Variants in DOCK5 observed in about 807,000 individuals in gnomAD.
DOCK5 encodes dedicator of cytokinesis 5.
DOCK5 carries 142 observed loss-of-function variants against 251.8 expected under a neutral mutation model. The observed-to-expected ratio is 0.56, with a 90% CI of 0.49 to 0.65. DOCK5 has a LOEUF of 0.65. Among genes scored for constraint, DOCK5 ranks in the 30% least tolerant of loss-of-function variants. DOCK5 has a pLI of 0.00. For missense variants in DOCK5, 2,111 were observed against 2,312.3 expected, an observed-to-expected ratio of 0.91 and a Z score of 1.79; for synonymous variants, 842 against 835.5, an observed-to-expected ratio of 1.01 and a Z score of -0.13.
At chr8:25,373,689 G>A (rs1405876973) in intron 36 of DOCK5, 31 bp downstream of exon 36, 2 of 1,566,134 alleles carry the variant, frequency 1.3e-6, no homozygotes, top group East Asian at 2.3e-5. Context: ...TGCTTCTGCT[G>A]TTTATTTCAT....
chr8:25,409,406 A>C (rs1230515114), intron 50 of DOCK5: 6 of 173,670 alleles, frequency 3.5e-5, no homozygotes, highest in Non-Finnish European at 5.0e-5. Context: ...ATGGGAGACA[A>C]TTGTCAACCA....
chr8:25,193,429 C>G (rs566232301), intron 1 of DOCK5, among the ~76,000 whole-genome samples: 47 of 150,038 alleles, frequency 3.1e-4, no homozygotes, highest in African/African-American at 1.1e-3. Flanking sequence ...TAGCACTATG[C>G]TTGGGACCAT....
In DOCK5 at chr8:25,411,441, C is replaced by A; in HGVS notation, c.*143C>A. 8.6e-7 allele frequency: 1 copy of A among 1,159,492 alleles called. No homozygotes were observed. Among genetic ancestry groups the A allele is most frequent in the Non-Finnish European group, 1.1e-6 (1 of 902,064 alleles). The allele number at this position is 1,159,492 out of a possible 1,614,324, so 71.8% of individuals were successfully genotyped here. On this transcript the variant is annotated 3_prime_UTR_variant, in exon 52 of 52. Coordinates refer to ENST00000276440, the MANE Select transcript of DOCK5 (RefSeq NM_024940.8). ...TGATGTTTACCAGCCCAAAACCAGTCATGTTCTTCCAAAAGCTTCTCTTTG... is the reference window on the plus strand; with the variant it reads ...TGATGTTTACCAGCCCAAAACCAGTAATGTTCTTCCAAAAGCTTCTCTTTG...
In DOCK5 at chr8:25,304,934, C is replaced by T. The variant is rs148871927; in HGVS notation, c.1049+607C>T. The stretch of plus-strand genomic sequence containing the variant: ...GTGAAAGGATCCTTGCAGAGCTTTA[C>T]TGAGGCCCTCCATATTGAGCTGCAG... On this transcript the variant is annotated intron_variant, in intron 11 of 51. Transcript: ENST00000276440. 894 of 152,732 alleles carry T rather than the reference C, an allele frequency of 5.9e-3. 3 individuals carry two copies. Among genetic ancestry groups the T allele is most frequent in the Non-Finnish European group, 9.4e-3 (642 of 68,350 alleles). 9.5% of individuals were successfully genotyped at this position (152,732 alleles called of 1,614,324 possible).
At chr8:25,343,393 G>A (rs1800290347) in intron 25 of DOCK5, among the ~76,000 whole-genome samples, 1 of 152,164 alleles carries the variant, frequency 6.6e-6, no homozygotes, top group South Asian at 2.1e-4. Context: ...CCAGTTGTAT[G>A]TAAGGACCTC....
intron 3 of DOCK5, chr8:25,270,791 C>A (rs1298947770): frequency 1.4e-6 from 1 of 713,150 alleles, no homozygotes; most frequent in Non-Finnish European, 2.6e-6. Flanking sequence ...TTTCCACAGG[C>A]AATTGGTTCC....
At chr8:25,262,895 C>T (rs1464524930) in intron 2 of DOCK5, among the ~76,000 whole-genome samples, 1 of 149,484 alleles carries the variant, frequency 6.7e-6, no homozygotes, top group African/African-American at 2.6e-5. Context: ...TCTCAGCTCA[C>T]TGCAACCCCC....
At chr8:25,266,100 C>T (rs1327817558) in intron 2 of DOCK5, among the ~76,000 whole-genome samples, 2 of 151,858 alleles carry the variant, frequency 1.3e-5, no homozygotes, top group African/African-American at 4.9e-5. Flanking sequence ...TATCCCCTCA[C>T]GATTCCCTTT....
At chr8:25,325,614 G>A (rs1335661141) in intron 18 of DOCK5, 67 bp downstream of exon 18, 3 of 1,571,204 alleles carry the variant, frequency 1.9e-6, no homozygotes, top group Non-Finnish European at 2.6e-6. Flanking sequence ...CCTTGGTTAG[G>A]CTCACAGGGC....
At chr8:25,336,553 A>T (rs936174528) in intron 22 of DOCK5, among the ~76,000 whole-genome samples, 180 bp downstream of exon 22, 12 of 152,164 alleles carry the variant, frequency 7.9e-5, no homozygotes, top group African/African-American at 2.9e-4. Context: ...GACTCATGAG[A>T]AGTTTTTGTA....
chr8:25,275,560 C>T (rs546242415), intron 4 of DOCK5, 119 bp downstream of exon 4: 25 of 1,006,848 alleles, frequency 2.5e-5, no homozygotes, highest in South Asian at 6.4e-5. Flanking sequence ...TCAGGCCAGG[C>T]GTGGTGGCTC....
intron 13 of DOCK5, among the ~76,000 whole-genome samples, chr8:25,313,635 A>G (rs577153289): frequency 6.6e-6 from 1 of 152,318 alleles, no homozygotes; most frequent in African/African-American, 2.4e-5. Context: ...TTTTCTCACA[A>G]CAAAGGACAG....
At chr8:25,387,206 A>AGACGC (rs200331019) in intron 40 of DOCK5, among the ~76,000 whole-genome samples, 1 of 98,506 alleles carries the variant, frequency 1.0e-5, no homozygotes, top group African/African-American at 3.4e-5. Context: ...TTTTTTTAAG[A>AGACGC]GGTCTCGCTC....
chr8:25,350,068 G>C (rs1440341630), intron 26 of DOCK5, among the ~76,000 whole-genome samples: 1 of 152,178 alleles, frequency 6.6e-6, no homozygotes, highest in African/African-American at 2.4e-5. Flanking sequence ...GAAAGTGTCG[G>C]TTATAGGATG....
In DOCK5 at chr8:25,351,765, A is replaced by G. The variant is rs747504935; in HGVS notation, c.2789A>G (p.Glu930Gly). ...ATAVHIQLIMERLLRRINRTV... is the reference protein window; with the variant it reads ...ATAVHIQLIMGRLLRRINRTV... ...GCGGTGCACATTCAGCTTATAATGG[A>G]ACGGCTGCTGAGAAGGATCAACCGG... Residue 930 changes from glutamate (E) to glycine (G), a missense_variant, in exon 27 of 52, where the codon GAA (glutamate) becomes GGA (glycine). Coordinates refer to ENST00000276440, the MANE Select transcript of DOCK5 (RefSeq NM_024940.8). 6.2e-7 allele frequency: 1 copy of G among 1,613,866 alleles called. No individual in the cohort carries two copies. The highest frequency in any genetic ancestry group is 1.7e-5 in the Admixed American group (1 of 60,012).
At chr8:25,297,948 C>T (rs1273142638) in intron 7 of DOCK5, among the ~76,000 whole-genome samples, 3 of 151,024 alleles carry the variant, frequency 2.0e-5, no homozygotes, top group African/African-American at 7.3e-5. Flanking sequence ...TCCCAGCTAC[C>T]CAGGAGGCTG....
chr8:25,314,108 CTT>C (rs71214561), intron 13 of DOCK5, among the ~76,000 whole-genome samples: 6 of 115,240 alleles, frequency 5.2e-5, no homozygotes, highest in Non-Finnish European at 3.3e-5. Context: ...GGACTCCCCT[CTT>C]TTTTTTTTTT....
Position 25,373,665 on chromosome 8 carries a change from T to A in DOCK5, c.3725+7T>A. 6.3e-7 allele frequency: 1 copy of A among 1,587,122 alleles called. No homozygotes were observed. The highest frequency in any genetic ancestry group is 8.6e-7 in the Non-Finnish European group (1 of 1,167,274). ...GAGAGGACATATACATAAGGTAAGCTGAAGGAAATTTCTTGCTTCTGCTGT... is the reference window on the plus strand; with the variant it reads ...GAGAGGACATATACATAAGGTAAGCAGAAGGAAATTTCTTGCTTCTGCTGT... On this transcript the variant is annotated splice_region_variant and intron_variant, in intron 36 of 51. Transcript: ENST00000276440.
At chr8:25,193,936 G>A (rs1001125875) in intron 1 of DOCK5, among the ~76,000 whole-genome samples, 2 of 152,054 alleles carry the variant, frequency 1.3e-5, no homozygotes, top group African/African-American at 4.8e-5. Flanking sequence ...TTAGTGAGTA[G>A]GTGAATTCGC....
Sources: allele counts gnomAD v4.1 joint callset (sites outside exome capture counted in the v4.1 genomes callset), GRCh38; gene constraint gnomAD v4.1.1; transcripts MANE v1.5; gene names NCBI Gene and HGNC (gene_info 2026-07-23, HGNC 2026-07-21).